Variants in ATRNL1 observed in about 807,000 individuals in gnomAD.
ATRNL1 encodes the protein attractin-like protein 1.
Under a neutral mutation model 182.7 loss-of-function variants are expected in ATRNL1, and 95 were observed. That is an observed-to-expected ratio of 0.52 (90% CI 0.44 to 0.62). The LOEUF (loss-of-function observed/expected upper bound fraction) is 0.62, where lower values mean the gene tolerates loss of function less well. ATRNL1 is among the 20% of genes least tolerant of loss of function. The pLI is 0.00. For missense variants in ATRNL1, 1,471 were observed against 1,679.5 expected (o/e 0.88, Z 2.17); for synonymous variants, 576 against 568.3 (o/e 1.01, Z -0.19).
At chr10:115,636,452 G>C (rs1019708181) in intron 26 of ATRNL1, among the ~76,000 whole-genome samples, 3 of 152,152 alleles carry the variant, frequency 2.0e-5, no homozygotes, top group African/African-American at 7.2e-5. Context: ...GATCGCAAAG[G>C]CTATGAAATT....
chr10:115,888,237 C>T (rs983162249), intron 28 of ATRNL1, among the ~76,000 whole-genome samples: 1 of 152,220 alleles, frequency 6.6e-6, no homozygotes, highest in Admixed American at 6.5e-5. Flanking sequence ...AAAACCTTCC[C>T]TGACCTCCCT....
chr10:115,666,837 G>A (rs1164249178), intron 26 of ATRNL1, among the ~76,000 whole-genome samples: 12 of 151,914 alleles, frequency 7.9e-5, no homozygotes, highest in African/African-American at 2.7e-4. Flanking sequence ...CTATTCACAA[G>A]ACTAGTCTGT....
At position 115,403,257 on chromosome 10, in the gene ATRNL1, C is replaced by CTTTTTT. The variant is rs59256867; in HGVS notation, c.3269+8519_3269+8524dup. ...CTTTATTTTTCCTAATTACTCTCAT[C>CTTTTTT]TTTTTTTTTTTTTTTTTTTAGTCTG... On this transcript the variant is annotated intron_variant, in intron 20 of 28. Transcript: ENST00000355044. Among the ~76,000 whole-genome samples, 592 of 107,376 alleles carry CTTTTTT rather than the reference C, an allele frequency of 5.5e-3. 47 individuals are homozygous for CTTTTTT. The highest frequency in any genetic ancestry group is 0.027 in the African/African-American group (544 of 20,366). The allele number at this position is 107,376 out of a possible 152,430, so 70.4% of individuals were successfully genotyped here.
At chr10:115,510,330 G>A (rs1850325737) in intron 24 of ATRNL1, among the ~76,000 whole-genome samples, 1 of 152,048 alleles carries the variant, frequency 6.6e-6, no homozygotes, top group Non-Finnish European at 1.5e-5. Flanking sequence ...GCATGCTGCA[G>A]AGAAATCTTT....
intron 24 of ATRNL1, among the ~76,000 whole-genome samples, chr10:115,472,857 C>T (rs540731218): frequency 6.4e-4 from 96 of 151,056 alleles, no homozygotes; most frequent in Admixed American, 1.1e-3. Flanking sequence ...ATTGCTTTTT[C>T]TAGGACTACC....
At chr10:115,266,695 G>C (rs1851622104) in intron 11 of ATRNL1, 102 bp from the exon 12 acceptor site, 1 of 645,044 alleles carries the variant, frequency 1.6e-6, no homozygotes, top group African/African-American at 1.8e-5. Flanking sequence ...ACTTAAAATA[G>C]TATAAAATGT....
intron 27 of ATRNL1, among the ~76,000 whole-genome samples, chr10:115,771,426 T>TCC (rs1948987807): frequency 6.6e-6 from 1 of 151,986 alleles, no homozygotes; most frequent in African/African-American, 2.4e-5. Context: ...GAAACGGGGT[T>TCC]TCACCGTGTT....
At chr10:115,121,616 ATAT>A in intron 2 of ATRNL1, 80 bp from the exon 3 acceptor site, 1 of 471,376 alleles carries the variant, frequency 2.1e-6, no homozygotes, top group East Asian at 3.5e-5. Context: ...TGTGCTTTGT[ATAT>A]TATATAATAA....
chr10:115,289,658 T>A (rs1160193324), intron 15 of ATRNL1, among the ~76,000 whole-genome samples: 1 of 152,196 alleles, frequency 6.6e-6, no homozygotes, highest in Non-Finnish European at 1.5e-5. Flanking sequence ...CCCCTATGCA[T>A]GTTCTTGGTG....
At chr10:115,175,750 G>C (rs1369654367) in intron 8 of ATRNL1, among the ~76,000 whole-genome samples, 4 of 151,986 alleles carry the variant, frequency 2.6e-5, no homozygotes, top group African/African-American at 7.2e-5. Flanking sequence ...TATTCCTAAG[G>C]CATTTTGAAT....
At chr10:115,712,695 C>G (rs1947096768) in intron 26 of ATRNL1, among the ~76,000 whole-genome samples, 1 of 151,938 alleles carries the variant, frequency 6.6e-6, no homozygotes, top group Non-Finnish European at 1.5e-5. Flanking sequence ...GGTGCAAACA[C>G]TGTCTCTACT....
At chr10:115,206,428 T>C (rs1554893799) in intron 8 of ATRNL1, among the ~76,000 whole-genome samples, 1 of 152,130 alleles carries the variant, frequency 6.6e-6, no homozygotes, top group Non-Finnish European at 1.5e-5. Context: ...TATCACATTC[T>C]ACCTTTAATT....
chr10:115,639,344 A>T (rs1215006851), intron 26 of ATRNL1, among the ~76,000 whole-genome samples: 1 of 152,204 alleles, frequency 6.6e-6, no homozygotes, highest in African/African-American at 2.4e-5. Flanking sequence ...GATGAATGCA[A>T]ACTAAAATCA....
intron 5 of ATRNL1, among the ~76,000 whole-genome samples, chr10:115,151,158 T>G: frequency 6.6e-6 from 1 of 152,220 alleles, no homozygotes; most frequent in Non-Finnish European, 1.5e-5. Context: ...TCTTTGCTAT[T>G]GTGAATAGTG....
chr10:115,234,234 A>G (rs1166142424), intron 9 of ATRNL1, among the ~76,000 whole-genome samples: 1 of 152,012 alleles, frequency 6.6e-6, no homozygotes, highest in Non-Finnish European at 1.5e-5. Context: ...TATCCATGAA[A>G]CTGATATCTT....
chr10:115,654,561 G>T (rs190824494), intron 26 of ATRNL1, among the ~76,000 whole-genome samples: 10 of 152,074 alleles, frequency 6.6e-5, no homozygotes, highest in Non-Finnish European at 1.0e-4. Flanking sequence ...TGTTACCTGG[G>T]AAACTGTTTA....
intron 25 of ATRNL1, among the ~76,000 whole-genome samples, chr10:115,528,221 A>G (rs1421984710): frequency 1.6e-5 from 1 of 63,054 alleles, no homozygotes; most frequent in Non-Finnish European, 3.6e-5. Flanking sequence ...TTATTTTTTA[A>G]ATGGGTAGAA....
intron 27 of ATRNL1, 95 bp from the exon 28 acceptor site, chr10:115,847,782 T>C (rs1950963446): frequency 4.2e-6 from 3 of 709,530 alleles, no homozygotes; most frequent in Non-Finnish European, 7.7e-6. Flanking sequence ...CAACTAGGAA[T>C]GTACAGCACA....
intron 13 of ATRNL1, among the ~76,000 whole-genome samples, chr10:115,277,990 T>C (rs908439148): frequency 6.6e-6 from 1 of 152,132 alleles, no homozygotes; most frequent in African/African-American, 2.4e-5. Flanking sequence ...GAAGTAAAAT[T>C]AGTTTGAGTT....
Sources: allele counts gnomAD v4.1 joint callset (sites outside exome capture counted in the v4.1 genomes callset), GRCh38; gene constraint gnomAD v4.1.1; transcripts MANE v1.5; gene names NCBI Gene and HGNC (gene_info 2026-07-23, HGNC 2026-07-21).